The following IGSF21 variants were observed in gnomAD, a reference collection of about 807,000 sequenced individuals.
IGSF21 encodes the protein immunoglobulin superfamily member 21.
In IGSF21, 28 loss-of-function variants were observed where a neutral mutation model predicts 46.8. That is an observed-to-expected ratio of 0.60 (90% CI 0.44 to 0.82). The LOEUF (loss-of-function observed/expected upper bound fraction) is 0.82. Among genes scored for constraint, IGSF21 ranks in the 40% least tolerant of loss-of-function variants. The pLI is 0.00. For synonymous variants in IGSF21, 284 were observed against 273.6 expected, an observed-to-expected ratio of 1.04 and a Z score of -0.38; for missense variants, 624 against 665.5, an observed-to-expected ratio of 0.94 and a Z score of 0.69.
chr1:18,348,321 C>G (rs1369316236), intron 4 of IGSF21, among the ~76,000 whole-genome samples: 1 of 152,204 alleles, frequency 6.6e-6, no homozygotes, highest in East Asian at 1.9e-4. Context: ...CTGAAGCCCC[C>G]TGGGGCCCTC....
At chr1:18,141,914 A>G (rs2086418576) in intron 1 of IGSF21, among the ~76,000 whole-genome samples, 2 of 152,016 alleles carry the variant, frequency 1.3e-5, no homozygotes, top group African/African-American at 4.8e-5. Context: ...TACAAAAAAT[A>G]CAAAAATCAG....
At chr1:18,232,364 C>G (rs2124510652) in intron 2 of IGSF21, among the ~76,000 whole-genome samples, 1 of 152,206 alleles carries the variant, frequency 6.6e-6, no homozygotes, top group African/African-American at 2.4e-5. Flanking sequence ...CTATTTACAT[C>G]TGTAACTGGG....
chr1:18,142,126 A>T (rs2086420608), intron 1 of IGSF21, among the ~76,000 whole-genome samples: 1 of 152,226 alleles, frequency 6.6e-6, no homozygotes, highest in African/African-American at 2.4e-5. Context: ...GATGAAAAAT[A>T]AACAAAACCA....
chr1:18,173,174 G>A (rs2086757958), intron 1 of IGSF21, among the ~76,000 whole-genome samples: 1 of 152,128 alleles, frequency 6.6e-6, no homozygotes, highest in Non-Finnish European at 1.5e-5. Context: ...TGTAGTCTCA[G>A]CTACTTGGGA....
intron 2 of IGSF21, among the ~76,000 whole-genome samples, chr1:18,231,040 C>T (rs949398848): frequency 2.0e-5 from 3 of 152,114 alleles, no homozygotes; most frequent in Non-Finnish European, 2.9e-5. Context: ...CTTACAGAGC[C>T]CGGCTTGGAA....
At position 18,305,566 on chromosome 1, in the gene IGSF21, G is replaced by A. The variant is rs541325691; in HGVS notation, c.305+13579G>A. Among the ~76,000 whole-genome samples, 104 of 150,378 alleles carry A rather than the reference G, an allele frequency of 6.9e-4. 2 individuals are homozygous for A. The South Asian group carries it at 0.021, about 30-fold the overall frequency. ...ATGGATGATGGATGGATGGATGGAT[G>A]GATGGATGGATTATGGATGGATGGA... On this transcript the variant is annotated intron_variant, in intron 3 of 9. Coordinates refer to ENST00000251296, the MANE Select transcript of IGSF21 (RefSeq NM_032880.5).
At chr1:18,372,082 C>T (rs925543636) in intron 6 of IGSF21, among the ~76,000 whole-genome samples, 20 of 152,204 alleles carry the variant, frequency 1.3e-4, no homozygotes, top group African/African-American at 4.3e-4. Flanking sequence ...CCAAACTCTG[C>T]GCATTCCCAT....
rs1467503128 is a variant in IGSF21, at chr1:18,228,028, C to T, written c.183+18C>T. On this transcript the variant is annotated intron_variant, in intron 2 of 9. Coordinates refer to ENST00000251296, the MANE Select transcript of IGSF21 (RefSeq NM_032880.5). ...GGTACCGGGTAAGTCACTACTACTG[C>T]CCCCTTCATGCCCATGGCCAGGACT... 6.4e-7 allele frequency: 1 copy of T among 1,572,642 alleles called. No homozygotes were observed. Among genetic ancestry groups the T allele is most frequent in the East Asian group, 2.2e-5 (1 of 44,672 alleles).
At chr1:18,213,727 A>G (rs1191818195) in intron 1 of IGSF21, among the ~76,000 whole-genome samples, 1 of 152,172 alleles carries the variant, frequency 6.6e-6, no homozygotes, top group African/African-American at 2.4e-5. Context: ...TCAGATCCCA[A>G]TTTGAGCTCG....
intron 1 of IGSF21, chr1:18,115,082 C>G (rs1258528723): frequency 6.6e-6 from 1 of 152,328 alleles, no homozygotes; most frequent in Non-Finnish European, 1.5e-5. Flanking sequence ...TCACTGTCTC[C>G]CCTGTCTCCA....
intron 3 of IGSF21, among the ~76,000 whole-genome samples, chr1:18,312,908 G>C (rs761860308): frequency 6.6e-6 from 1 of 152,138 alleles, no homozygotes; most frequent in Non-Finnish European, 1.5e-5. Flanking sequence ...TTCCTCTGTT[G>C]GACAGTGACC....
intron 1 of IGSF21, among the ~76,000 whole-genome samples, chr1:18,175,643 T>A (rs1011376686): frequency 6.6e-6 from 1 of 152,094 alleles, no homozygotes; most frequent in Non-Finnish European, 1.5e-5. Context: ...CAGTCCCTTA[T>A]AAGGGGTCCC....
chr1:18,309,677 G>A (rs1286348255), intron 3 of IGSF21, among the ~76,000 whole-genome samples: 2 of 152,172 alleles, frequency 1.3e-5, no homozygotes, highest in African/African-American at 2.4e-5. Context: ...GCCTCTAGCC[G>A]CTGCTGAGGG....
At chr1:18,358,815 C>T (rs2086052556) in intron 4 of IGSF21, among the ~76,000 whole-genome samples, 1 of 152,226 alleles carries the variant, frequency 6.6e-6, no homozygotes, top group African/African-American at 2.4e-5. Context: ...GTAAGTGGTA[C>T]AGCTGATCTT....
intron 2 of IGSF21, among the ~76,000 whole-genome samples, chr1:18,232,287 C>A (rs1232371924): frequency 7.0e-6 from 1 of 143,522 alleles, no homozygotes; most frequent in African/African-American, 2.6e-5. Flanking sequence ...CTAATCTACC[C>A]TAGCACTTAA....
At chr1:18,281,782 G>T (rs373092170) in intron 2 of IGSF21, among the ~76,000 whole-genome samples, 1 of 152,150 alleles carries the variant, frequency 6.6e-6, no homozygotes, top group Non-Finnish European at 1.5e-5. Flanking sequence ...TTGTCGGGAG[G>T]CAGGGAGGAG....
At chr1:18,368,506 A>G (rs2086190384) in intron 6 of IGSF21, among the ~76,000 whole-genome samples, 1 of 91,018 alleles carries the variant, frequency 1.1e-5, no homozygotes, top group African/African-American at 3.3e-5. Context: ...GTGAGACTTC[A>G]TCTCAAAAAG....
At chr1:18,274,399 G>T (rs1433153838) in intron 2 of IGSF21, among the ~76,000 whole-genome samples, 1 of 152,236 alleles carries the variant, frequency 6.6e-6, no homozygotes, top group Non-Finnish European at 1.5e-5. Context: ...ATTGACCTGA[G>T]TCGCAAAGAA....
chr1:18,292,029 G>T, intron 3 of IGSF21, 42 bp downstream of exon 3: 1 of 1,592,324 alleles, frequency 6.3e-7, no homozygotes, highest in Non-Finnish European at 8.6e-7. Context: ...GGGGAAGGGC[G>T]GAGGGATGGG....
Sources: gnomAD v4.1 joint callset for allele counts (sites outside exome capture counted in the v4.1 genomes callset) on GRCh38, gnomAD v4.1.1 for gene constraint, MANE v1.5 for transcripts, NCBI Gene and HGNC (gene_info 2026-07-23, HGNC 2026-07-21) for gene names.